RBFOX1: variants seen among roughly 807,000 people sequenced by gnomAD.
The protein encoded by RBFOX1 is RNA binding fox-1 homolog 1, also known as RNA binding protein fox-1 homolog 1.
In RBFOX1, 8 loss-of-function variants were observed where a neutral mutation model predicts 57.7. The observed-to-expected ratio is 0.14, with a 90% CI of 0.08 to 0.25. The LOEUF is 0.25. Ranked by LOEUF, RBFOX1 falls within the 10% of genes least tolerant of loss-of-function variation. RBFOX1 has a pLI of 1.00. For synonymous variants in RBFOX1, 326 were observed against 222.4 expected (o/e 1.47, Z -4.15); for missense variants, 611 against 548.5 (o/e 1.11, Z -1.14).
At chr16:6,094,694 A>C (rs2096222714) in intron 1 of RBFOX1, among the ~76,000 whole-genome samples, 1 of 152,226 alleles carries the variant, frequency 6.6e-6, no homozygotes, top group Non-Finnish European at 1.5e-5. Flanking sequence ...CCTATGACTC[A>C]GTTTCCTCAT....
intron 3 of RBFOX1, among the ~76,000 whole-genome samples, chr16:5,836,178 G>A (rs2056450737): frequency 6.6e-6 from 1 of 152,200 alleles, no homozygotes; most frequent in African/African-American, 2.4e-5. Flanking sequence ...AGCACCAAGG[G>A]GGACATGGGC....
intron 5 of RBFOX1, among the ~76,000 whole-genome samples, chr16:7,568,587 C>T (rs926833533): frequency 2.6e-5 from 4 of 152,016 alleles, no homozygotes; most frequent in Non-Finnish European, 5.9e-5. Context: ...CATCCTGTGA[C>T]TTAGATTGCC....
At chr16:6,340,429 G>A (rs542048733) in intron 2 of RBFOX1, among the ~76,000 whole-genome samples, 3 of 152,344 alleles carry the variant, frequency 2.0e-5, no homozygotes, top group South Asian at 2.1e-4. Context: ...TCTTAGGAAA[G>A]TGAAGGAATA....
intron 3 of RBFOX1, among the ~76,000 whole-genome samples, chr16:6,657,911 T>C (rs1361574338): frequency 6.6e-6 from 1 of 152,158 alleles, no homozygotes; most frequent in East Asian, 1.9e-4. Flanking sequence ...AGAATCACTT[T>C]ATTTTTTATT....
At chr16:5,918,044 G>A (rs569526289) in intron 4 of RBFOX1, among the ~76,000 whole-genome samples, 2 of 152,250 alleles carry the variant, frequency 1.3e-5, no homozygotes, top group South Asian at 2.1e-4. Flanking sequence ...CCTTTCACAG[G>A]TCAAATTCCA....
chr16:5,634,028 C>T (rs1346648420), intron 3 of RBFOX1, among the ~76,000 whole-genome samples: 1 of 152,204 alleles, frequency 6.6e-6, no homozygotes, highest in East Asian at 1.9e-4. Context: ...GTTTCCTCTA[C>T]TGCCATCTAG....
intron 2 of RBFOX1, among the ~76,000 whole-genome samples, chr16:5,513,373 A>T (rs982869492): frequency 6.6e-6 from 1 of 152,170 alleles, no homozygotes; most frequent in South Asian, 2.1e-4. Flanking sequence ...CCCTTTAATC[A>T]TGTCATATCG....
intron 2 of RBFOX1, among the ~76,000 whole-genome samples, chr16:6,541,424 C>T (rs2096816626): frequency 6.6e-6 from 1 of 152,182 alleles, no homozygotes; most frequent in Non-Finnish European, 1.5e-5. Flanking sequence ...TCCCTGCTCA[C>T]ATGGAGTTGG....
At chr16:7,265,035 G>C (rs2095073008) in intron 4 of RBFOX1, among the ~76,000 whole-genome samples, 4 of 152,228 alleles carry the variant, frequency 2.6e-5, no homozygotes, top group Admixed American at 2.6e-4. Flanking sequence ...AAGCAGGCCA[G>C]TCCCATTCTT....
chr16:5,651,575 G>A (rs1270337824), intron 3 of RBFOX1, among the ~76,000 whole-genome samples: 3 of 152,080 alleles, frequency 2.0e-5, no homozygotes, highest in Non-Finnish European at 4.4e-5. Flanking sequence ...CGGGGGAAAT[G>A]AGCACCCCGT....
intron 1 of RBFOX1, among the ~76,000 whole-genome samples, chr16:6,202,002 A>C (rs924577606): frequency 1.3e-5 from 2 of 152,150 alleles, no homozygotes; most frequent in African/African-American, 4.8e-5. Context: ...ATTGGAAGAG[A>C]CCACAGTTCC....
At chr16:7,359,695 C>G (rs931548937) in intron 4 of RBFOX1, among the ~76,000 whole-genome samples, 2 of 152,020 alleles carry the variant, frequency 1.3e-5, no homozygotes, top group Non-Finnish European at 2.9e-5. Context: ...TCAAATTTAA[C>G]CACTCTGGAC....
At chr16:6,622,032 C>G in intron 2 of RBFOX1, among the ~76,000 whole-genome samples, 1 of 152,122 alleles carries the variant, frequency 6.6e-6, no homozygotes, top group East Asian at 1.9e-4. Context: ...TTTACAAGAC[C>G]TGAGAGTGAT....
chr16:5,673,385 A>G (rs942121483), intron 3 of RBFOX1, among the ~76,000 whole-genome samples: 8 of 152,080 alleles, frequency 5.3e-5, no homozygotes, highest in Non-Finnish European at 7.4e-5. Flanking sequence ...GCATGAAGCT[A>G]TCTTCTCTCA....
chr16:6,545,367 T>C (rs1308675455), intron 2 of RBFOX1, among the ~76,000 whole-genome samples: 1 of 152,224 alleles, frequency 6.6e-6, no homozygotes, highest in African/African-American at 2.4e-5. Context: ...CAGTTTCATC[T>C]GGCCTCTTGC....
chr16:6,338,579 C>G (rs1247793471), intron 2 of RBFOX1, among the ~76,000 whole-genome samples: 4 of 152,310 alleles, frequency 2.6e-5, no homozygotes, highest in African/African-American at 9.6e-5. Flanking sequence ...AACTTGGTCA[C>G]TGGATGAAAT....
At chr16:5,691,906 C>G (rs2050691878) in intron 3 of RBFOX1, among the ~76,000 whole-genome samples, 2 of 152,180 alleles carry the variant, frequency 1.3e-5, no homozygotes, top group South Asian at 2.1e-4. Context: ...CTTGTACTCT[C>G]CTATACTGCC....
intron 2 of RBFOX1, among the ~76,000 whole-genome samples, chr16:6,424,579 A>G (rs142139101): frequency 6.9e-6 from 1 of 145,742 alleles, no homozygotes; most frequent in East Asian, 2.0e-4. Context: ...GCTGAGGTTG[A>G]GAAACCCTAG....
intron 12 of RBFOX1, among the ~76,000 whole-genome samples, chr16:7,664,594 A>C (rs1188154284): frequency 2.0e-5 from 3 of 152,096 alleles, no homozygotes; most frequent in Non-Finnish European, 2.9e-5. Flanking sequence ...ACCTGTTAAG[A>C]TGCTCATGTC....
Sources: allele counts gnomAD v4.1 joint callset (sites outside exome capture counted in the v4.1 genomes callset), GRCh38; gene constraint gnomAD v4.1.1; transcripts MANE v1.5; gene names NCBI Gene and HGNC (gene_info 2026-07-23, HGNC 2026-07-21).